The following ACVR2B variants were observed in gnomAD, a reference collection of about 807,000 sequenced individuals.
ACVR2B encodes activin receptor type-2B.
A neutral mutation model predicts 65.1 loss-of-function variants in ACVR2B; 18 were observed. The observed-to-expected ratio is 0.28, with a 90% CI of 0.19 to 0.41. ACVR2B has a LOEUF of 0.41. Ranked by LOEUF, ACVR2B falls within the 10% of genes least tolerant of loss-of-function variation. ACVR2B has a pLI of 1.00. For missense variants in ACVR2B, 482 were observed against 682.7 expected, an observed-to-expected ratio of 0.71 and a Z score of 3.28; for synonymous variants, 298 against 277.7, an observed-to-expected ratio of 1.07 and a Z score of -0.73.
At chr3:38,468,290 G>T (rs901833085) in intron 1 of ACVR2B, among the ~76,000 whole-genome samples, 13 of 152,140 alleles carry the variant, frequency 8.5e-5, no homozygotes, top group African/African-American at 3.1e-4. Flanking sequence ...GGGCTGTTTT[G>T]GGAATTAGTT....
chr3:38,478,179 AC>A lies in ACVR2B; in HGVS notation c.410del (p.Thr137ArgfsTer51). ...ACCCCCGACAGCCCCCACCCTGCTCACGGTGCTGGCCTACTCACTGCTGCCC... is the reference window on the plus strand; with the variant it reads ...ACCCCCGACAGCCCCCACCCTGCTCAGGTGCTGGCCTACTCACTGCTGCCC... ...EPPPTAPTLL[T>X]VLAYSLLPIG... On this transcript the variant is annotated frameshift_variant, in exon 4 of 11. Coordinates refer to ENST00000352511, the MANE Select transcript of ACVR2B (RefSeq NM_001106.4). LOFTEE classifies it high-confidence loss of function. The A allele has an allele frequency of 1.9e-6, 3 of 1,613,308 alleles. No individual in the cohort carries two copies. Among genetic ancestry groups the A allele is most frequent in the Non-Finnish European group, 8.5e-7 (1 of 1,179,942 alleles).
intron 1 of ACVR2B, chr3:38,474,195 G>A (rs990962182): frequency 1.3e-5 from 2 of 152,620 alleles, no homozygotes; most frequent in African/African-American, 4.8e-5. Context: ...CTGACATCTT[G>A]AACCCTTGGG....
Position 38,481,188 on chromosome 3 carries a change from G to A in ACVR2B, c.960-163G>A, listed in dbSNP as rs1056754756. Reference sequence around the variant, plus strand: ...GAGGGATTCTCACACCCATGTCGGCGCCTGCAGCTGCCTGCTTGTGCTGCT... The same window carrying A: ...GAGGGATTCTCACACCCATGTCGGCACCTGCAGCTGCCTGCTTGTGCTGCT... On this transcript the variant is annotated intron_variant, in intron 7 of 10. Coordinates refer to ENST00000352511, the MANE Select transcript of ACVR2B (RefSeq NM_001106.4). The surrounding 1 kb of genome is among the most constrained non-coding windows in gnomAD (Gnocchi z 4.7). Among the ~76,000 whole-genome samples the A allele has an allele frequency of 6.6e-6, 1 of 152,214 alleles. No individual in the cohort carries two copies. Among genetic ancestry groups the A allele is most frequent in the African/African-American group, 2.4e-5 (1 of 41,556 alleles).
At chr3:38,459,474 C>G (rs1389951780) in intron 1 of ACVR2B, 1 of 467,714 alleles carries the variant, frequency 2.1e-6, no homozygotes, top group Non-Finnish European at 2.8e-6. Flanking sequence ...TGGGGACTCT[C>G]TGCCTGCCCA....
At chr3:38,482,776 T>A (rs1241998453) in intron 10 of ACVR2B, among the ~76,000 whole-genome samples, 1 of 152,124 alleles carries the variant, frequency 6.6e-6, no homozygotes, top group Non-Finnish European at 1.5e-5. Flanking sequence ...TTTTGGGCAC[T>A]TGTATGGTTT....
At position 38,478,372 on chromosome 3, in the gene ACVR2B, CA is replaced by C. The variant is rs1709950981; in HGVS notation, c.523-2del. On this transcript the variant is annotated splice_acceptor_variant, in intron 4 of 10. Coordinates refer to ENST00000352511, the MANE Select transcript of ACVR2B (RefSeq NM_001106.4). LOFTEE classifies it high-confidence loss of function. ...GACCTTTTTAAGCCTTGCTCTCCCC[CA>C]GGACCCTGGGCCTCCACCACCATCC... is the stretch of plus-strand genomic sequence containing the variant. 3.7e-6 allele frequency: 6 copies of C among 1,613,968 alleles called. No individual in the cohort carries two copies.
At chr3:38,466,504 C>CT (rs1709730484) in intron 1 of ACVR2B, among the ~76,000 whole-genome samples, 1 of 111,248 alleles carries the variant, frequency 9.0e-6, no homozygotes, top group Non-Finnish European at 2.1e-5. Flanking sequence ...TAAACCAAAA[C>CT]TTCTTTTTTT....
chr3:38,468,133 G>T lies in ACVR2B; in HGVS notation c.53-9154G>T, dbSNP rs967091467. Among the ~76,000 whole-genome samples, 3 of 152,278 alleles carry T rather than the reference G, an allele frequency of 2.0e-5. No individual in the cohort carries two copies. In the South Asian group the frequency reaches 6.2e-4, roughly 32 times the overall value. Reference sequence around the variant, plus strand: ...GAGTTCAAGCAGTCTGCCCGTGTCAGCCTCCCAAAGTGCTGGGATTATGGG... The same window carrying T: ...GAGTTCAAGCAGTCTGCCCGTGTCATCCTCCCAAAGTGCTGGGATTATGGG... On this transcript the variant is annotated intron_variant, in intron 1 of 10. Transcript: ENST00000352511.
In ACVR2B at chr3:38,488,692, C is replaced by T. The variant is rs1248666220; in HGVS notation, c.*5360C>T. ...TTTTTGATTGTGGTACTTCCTGTAT[C>T]CCCTGTAGTGCCAAAACCAGTGATA... On this transcript the variant is annotated 3_prime_UTR_variant, in exon 11 of 11. Coordinates refer to ENST00000352511, the MANE Select transcript of ACVR2B (RefSeq NM_001106.4). 1 of 152,124 alleles carries T rather than the reference C, an allele frequency of 6.6e-6. No individual in the cohort carries two copies. Among genetic ancestry groups the T allele is most frequent in the Non-Finnish European group, 1.5e-5 (1 of 68,014 alleles). The allele number at this position is 152,124 out of a possible 1,614,324, so 9.4% of individuals were successfully genotyped here.
At position 38,481,681 on chromosome 3, in the gene ACVR2B, A is replaced by G. The variant is rs903692612; in HGVS notation, c.1074+216A>G. The stretch of plus-strand genomic sequence containing the variant: ...CGTAGGACAGTCAGCTGGGAAATGT[A>G]GAGATTCCCCACTGGGGTTTTGACC... On this transcript the variant is annotated intron_variant, in intron 8 of 10. Transcript: ENST00000352511. The surrounding 1 kb of genome is among the most constrained non-coding windows in gnomAD (Gnocchi z 4.7). Among the ~76,000 whole-genome samples, 7 of 152,236 alleles carry G rather than the reference A, an allele frequency of 4.6e-5. No individual in the cohort carries two copies. The highest frequency in any genetic ancestry group is 1.7e-4 in the African/African-American group (7 of 41,466).
chr3:38,481,440 A>G lies in ACVR2B; in HGVS notation c.1049A>G (p.Lys350Arg), dbSNP rs757294880. ...FGLAVRFEPGKPPGDTHGQVG... is the reference protein window; with the variant it reads ...FGLAVRFEPGRPPGDTHGQVG... ...TTGGCTGTTCGATTTGAGCCAGGGA[A>G]ACCTCCAGGGGACACCCACGGACAG... The change falls in exon 8 of 11, where the codon AAA becomes AGA. Residue 350 changes from lysine (K) to arginine (R), a missense_variant. Lys to Arg is a conservative substitution (Grantham distance 26, BLOSUM62 2). Coordinates refer to ENST00000352511, the MANE Select transcript of ACVR2B (RefSeq NM_001106.4). The surrounding 1 kb of genome is among the most constrained non-coding windows in gnomAD (Gnocchi z 4.7). 6.2e-7 allele frequency: 1 copy of G among 1,614,178 alleles called. No individual in the cohort carries two copies. The highest frequency in any genetic ancestry group is 1.7e-5 in the Admixed American group (1 of 60,028).
chr3:38,474,707 G>A (rs543647478), intron 1 of ACVR2B: 3 of 152,296 alleles, frequency 2.0e-5, no homozygotes, highest in Admixed American at 2.0e-4. Context: ...CTTTTTGGAT[G>A]TCTGAAATAA....
chr3:38,485,604 A>C lies in ACVR2B; in HGVS notation c.*2272A>C, dbSNP rs977130203. ...CCTCTCGGAGCTCAGTTTTTGCTTC[A>C]TGGGTCAAAATGTGGGCTGGCCAAG... On this transcript the variant is annotated 3_prime_UTR_variant, in exon 11 of 11. Coordinates refer to ENST00000352511, the MANE Select transcript of ACVR2B (RefSeq NM_001106.4). 1 of 142,470 alleles carries C rather than the reference A, an allele frequency of 7.0e-6. No homozygotes were observed. The highest frequency in any genetic ancestry group is 2.7e-5 in the African/African-American group (1 of 37,542). The allele number at this position is 142,470 out of a possible 1,614,324, so 8.8% of individuals were successfully genotyped here.
At chr3:38,465,612 A>G (rs517135) in intron 1 of ACVR2B, among the ~76,000 whole-genome samples, 4 of 152,228 alleles carry the variant, frequency 2.6e-5, no homozygotes, top group Non-Finnish European at 4.4e-5. Context: ...AGATCAGAAG[A>G]AGATATAAAC....
rs1710018344 is a variant in ACVR2B at position 38,481,573 on chromosome 3, C to G, written c.1074+108C>G. The G allele has an allele frequency of 1.2e-6, 1 of 868,716 alleles. No individual in the cohort carries two copies. Among genetic ancestry groups the G allele is most frequent in the African/African-American group, 1.7e-5 (1 of 60,570 alleles). 53.8% of individuals were successfully genotyped at this position (868,716 alleles called of 1,614,324 possible). A position where few individuals can be genotyped will look rare whatever the true frequency, so the allele number is the denominator to read the frequency against. Reference sequence around the variant, plus strand: ...AGGGATGAGGGTGACTGCATGCGTTCAGAGCTGTCTGAGAACTTAGAGCAA... The same window carrying G: ...AGGGATGAGGGTGACTGCATGCGTTGAGAGCTGTCTGAGAACTTAGAGCAA... On this transcript the variant is annotated intron_variant, in intron 8 of 10. Coordinates refer to ENST00000352511, the MANE Select transcript of ACVR2B (RefSeq NM_001106.4). This position sits in a 1 kb window ranked among gnomAD's most constrained non-coding sequence, Gnocchi z 4.7.
chr3:38,455,448 A>G (rs1313423211), intron 1 of ACVR2B, among the ~76,000 whole-genome samples: 1 of 151,200 alleles, frequency 6.6e-6, no homozygotes, highest in Non-Finnish European at 1.5e-5. Flanking sequence ...AGCCGCCTGG[A>G]GTCTGGGAAA....
At chr3:38,464,256 G>T (rs1199408342) in intron 1 of ACVR2B, among the ~76,000 whole-genome samples, 2 of 152,224 alleles carry the variant, frequency 1.3e-5, no homozygotes, top group African/African-American at 4.8e-5. Context: ...CTTTGCCCTG[G>T]TGTCTCTGTT....
chr3:38,463,324 T>C (rs568844893), intron 1 of ACVR2B, among the ~76,000 whole-genome samples: 1 of 152,304 alleles, frequency 6.6e-6, no homozygotes, highest in Non-Finnish European at 1.5e-5. Context: ...CCCACTGCAT[T>C]TGACAAAATC....
At chr3:38,478,997 T>TG (rs1241774149) in intron 5 of ACVR2B, 131 bp from the exon 6 acceptor site, 1 of 1,184,328 alleles carries the variant, frequency 8.4e-7, no homozygotes, top group African/African-American at 1.8e-5. Context: ...GCTGGGAGGC[T>TG]GGGGGGTGGG....
Sources: gnomAD v4.1 joint callset for allele counts (sites outside exome capture counted in the v4.1 genomes callset) on GRCh38, gnomAD v4.1.1 for gene constraint, Gnocchi (gnomAD v3.1) non-coding constraint, MANE v1.5 for transcripts, NCBI Gene and HGNC (gene_info 2026-07-23, HGNC 2026-07-21) for gene names.